GPC5: variants seen among roughly 807,000 people sequenced by gnomAD.
GPC5 encodes glypican-5.
Under a neutral mutation model 53.9 loss-of-function variants are expected in GPC5, and 47 were observed. The observed-to-expected ratio is 0.87, with a 90% CI of 0.69 to 1.11. The LOEUF is 1.11. Ranked by LOEUF, GPC5 falls within the 50% of genes most tolerant of loss-of-function variation. The pLI is 0.00. For synonymous variants in GPC5, 286 were observed against 263.3 expected (o/e 1.09, Z -0.84); for missense variants, 748 against 713.1 (o/e 1.05, Z -0.56).
At chr13:91,767,334 G>T (rs555569006) in intron 5 of GPC5, among the ~76,000 whole-genome samples, 2 of 152,326 alleles carry the variant, frequency 1.3e-5, no homozygotes, top group East Asian at 3.9e-4. Context: ...CACTATATCA[G>T]TGTTTTCAAG....
intron 6 of GPC5, among the ~76,000 whole-genome samples, chr13:91,980,919 T>C (rs2040351584): frequency 1.3e-5 from 2 of 152,244 alleles, no homozygotes; most frequent in Non-Finnish European, 2.9e-5. Context: ...TATTAAGGTG[T>C]ATAGTTCTAG....
chr13:92,285,111 G>A (rs2042944439), intron 7 of GPC5, among the ~76,000 whole-genome samples: 4 of 152,076 alleles, frequency 2.6e-5, no homozygotes, highest in African/African-American at 7.2e-5. Flanking sequence ...GACAAACAGA[G>A]CCAAATCATG....
intron 7 of GPC5, among the ~76,000 whole-genome samples, chr13:92,733,091 C>G (rs953497285): frequency 6.6e-6 from 1 of 151,632 alleles, no homozygotes; most frequent in African/African-American, 2.4e-5. Context: ...TAATCTTGCT[C>G]TCACTAATGA....
chr13:91,806,558 T>C (rs2038226095), intron 5 of GPC5, among the ~76,000 whole-genome samples: 1 of 152,192 alleles, frequency 6.6e-6, no homozygotes, highest in Non-Finnish European at 1.5e-5. Flanking sequence ...GAAAGACTTT[T>C]CACATGCATT....
Position 92,822,773 on chromosome 13 carries a change from C to T in GPC5, c.1562-43509C>T, listed in dbSNP as rs150175945. On this transcript the variant is annotated intron_variant, in intron 7 of 7. Coordinates refer to ENST00000377067, the MANE Select transcript of GPC5 (RefSeq NM_004466.6). ...ATGAAAAGCTTGATTTCCTTAAACT[C>T]CTCAAAAAAGAAGCAGATGTATCTT... 3.0e-3 allele frequency among the ~76,000 whole-genome samples: 449 copies of T among 152,140 alleles called. 3 individuals carry two copies. Among genetic ancestry groups the T allele is most frequent in the African/African-American group, 1.0e-2 (414 of 41,524 alleles).
At chr13:92,136,265 C>T (rs1970057) in intron 6 of GPC5, among the ~76,000 whole-genome samples, 100,968 of 151,978 alleles carry the variant, frequency 0.66, 34,539 homozygotes, top group African/African-American at 0.82. Flanking sequence ...TACACATTTC[C>T]TTATGGGTTT....
chr13:92,454,743 A>T (rs1465113500), intron 7 of GPC5, among the ~76,000 whole-genome samples: 1 of 152,194 alleles, frequency 6.6e-6, no homozygotes, highest in Non-Finnish European at 1.5e-5. Context: ...ATGAAAACTC[A>T]GGACCTCAGG....
intron 7 of GPC5, among the ~76,000 whole-genome samples, chr13:92,228,685 TA>T (rs1349594174): frequency 6.6e-6 from 1 of 152,130 alleles, no homozygotes; most frequent in Non-Finnish European, 1.5e-5. Flanking sequence ...ATGTCAGAGA[TA>T]AAAAGCATCA....
intron 6 of GPC5, among the ~76,000 whole-genome samples, chr13:92,029,528 C>G (rs1388143840): frequency 6.6e-6 from 1 of 152,194 alleles, no homozygotes; most frequent in Non-Finnish European, 1.5e-5. Flanking sequence ...GCATCTGAAC[C>G]ACTTTCTGGG....
chr13:91,479,036 C>T (rs61968029), intron 2 of GPC5, among the ~76,000 whole-genome samples: 11,944 of 150,580 alleles, frequency 0.079, 532 homozygotes, highest in African/African-American at 0.11. Context: ...TCTCAGCCTC[C>T]GAAGTAGCTG....
rs11838738 is a variant in GPC5 at position 92,126,249 on chromosome 13, G to A, written c.1402-18581G>A. On this transcript the variant is annotated intron_variant, in intron 6 of 7. Transcript: ENST00000377067. ...ATTACAGGCATGAGCCACCGCACCT[G>A]GCCAAAATATTTCATCAGAAATATA... 6.5e-3 allele frequency among the ~76,000 whole-genome samples: 982 copies of A among 151,932 alleles called. 12 individuals carry two copies. The highest frequency in any genetic ancestry group is 0.023 in the African/African-American group (953 of 41,436).
chr13:91,525,244 T>C (rs1886031141), intron 2 of GPC5, among the ~76,000 whole-genome samples: 1 of 152,224 alleles, frequency 6.6e-6, no homozygotes, highest in South Asian at 2.1e-4. Context: ...GAAAATTTTT[T>C]AGAGCATCCT....
chr13:92,620,084 C>G (rs1884822673), intron 7 of GPC5, among the ~76,000 whole-genome samples: 2 of 152,006 alleles, frequency 1.3e-5, no homozygotes, highest in South Asian at 4.1e-4. Flanking sequence ...AGAGGATGAA[C>G]AATGATCACT....
chr13:91,803,349 T>C (rs2038166011), intron 5 of GPC5, among the ~76,000 whole-genome samples: 1 of 152,216 alleles, frequency 6.6e-6, no homozygotes, highest in South Asian at 2.1e-4. Flanking sequence ...AATATTTTTG[T>C]ATTTAATACA....
At chr13:92,281,216 G>T (rs184601629) in intron 7 of GPC5, among the ~76,000 whole-genome samples, 2 of 152,326 alleles carry the variant, frequency 1.3e-5, no homozygotes, top group East Asian at 1.9e-4. Context: ...GCCTGCCATT[G>T]CTGAGGCTTC....
intron 7 of GPC5, among the ~76,000 whole-genome samples, chr13:92,170,964 G>A (rs1196829954): frequency 1.3e-5 from 2 of 152,038 alleles, no homozygotes; most frequent in Admixed American, 6.6e-5. Flanking sequence ...AAGATTATGG[G>A]ACTTAATATT....
At chr13:92,277,392 G>T (rs2042883768) in intron 7 of GPC5, among the ~76,000 whole-genome samples, 1 of 151,988 alleles carries the variant, frequency 6.6e-6, no homozygotes, top group Admixed American at 6.6e-5. Context: ...TTATTTAAAA[G>T]AAAGGCACTT....
chr13:92,385,782 T>C (rs867588396), intron 7 of GPC5, among the ~76,000 whole-genome samples: 283 of 117,734 alleles, frequency 2.4e-3, no homozygotes, highest in African/African-American at 8.0e-3. Flanking sequence ...TATACATATA[T>C]GTATATATAT....
chr13:92,658,356 A>G (rs1886208670), intron 7 of GPC5, among the ~76,000 whole-genome samples: 1 of 152,206 alleles, frequency 6.6e-6, no homozygotes, highest in Admixed American at 6.5e-5. Flanking sequence ...TCAATCTTAT[A>G]CAGAGCATTT....
Sources: allele counts gnomAD v4.1 joint callset (sites outside exome capture counted in the v4.1 genomes callset), GRCh38; gene constraint gnomAD v4.1.1; transcripts MANE v1.5; gene names NCBI Gene and HGNC (gene_info 2026-07-23, HGNC 2026-07-21).